Variants in AGMO observed in about 807,000 individuals in gnomAD.
The protein encoded by AGMO is alkylglycerol monooxygenase.
AGMO carries 75 observed loss-of-function variants against 60.2 expected under a neutral mutation model. The ratio of observed to expected loss-of-function variants is 1.25; its 90% confidence interval spans 1.03 to 1.51. The LOEUF (loss-of-function observed/expected upper bound fraction) is 1.51, where lower values mean the gene tolerates loss of function less well. Among genes scored for constraint, AGMO ranks in the 40% most tolerant of loss-of-function variants. The probability of loss-of-function intolerance (pLI) is 0.00; values close to 1 mark genes in which losing one functional copy is unlikely to be tolerated. For synonymous variants in AGMO, 261 were observed against 177.1 expected (o/e 1.47, Z -3.76); for missense variants, 763 against 525.5 (o/e 1.45, Z -4.42).
At chr7:15,406,749 A>G (rs528102628) in intron 5 of AGMO, among the ~76,000 whole-genome samples, 1,065 of 87,596 alleles carry the variant, frequency 0.012, no homozygotes, top group African/African-American at 0.048. Context: ...ATGAATATAC[A>G]TATATATGTA....
chr7:15,175,330 G>C, the AGMO span, among the ~76,000 whole-genome samples: 1 of 151,848 alleles, frequency 6.6e-6, no homozygotes, highest in African/African-American at 2.4e-5. Flanking sequence ...CTTCTTTCCA[G>C]TTTCACTTAC....
rs146221386 is a variant in AGMO at position 15,232,330 on chromosome 7, G to A, written c.1264-30971C>T. ...CAGGGCTTGTGAAGCTAAGTGACTT[G>A]CACAAGGTCATAGCTTTCAGAAGTA... is the stretch of plus-strand genomic sequence containing the variant. On this transcript the variant is annotated intron_variant, in intron 12 of 12. Transcript: ENST00000342526. Among the ~76,000 whole-genome samples the A allele has an allele frequency of 8.5e-5, 13 of 152,300 alleles. No homozygotes were observed. In the East Asian group the frequency reaches 2.1e-3, roughly 25 times the overall value.
chr7:15,455,115 ACAC>A, intron 3 of AGMO, among the ~76,000 whole-genome samples: 1 of 147,560 alleles, frequency 6.8e-6, no homozygotes, highest in Admixed American at 6.7e-5. Flanking sequence ...ACACACACAC[ACAC>A]TTTTTTCATG....
intron 3 of AGMO, among the ~76,000 whole-genome samples, chr7:15,434,420 T>A (rs986442662): frequency 6.6e-6 from 1 of 152,160 alleles, no homozygotes. Flanking sequence ...ATGTCACTTC[T>A]GATATTAGAT....
At chr7:15,429,938 G>A (rs968726376) in intron 4 of AGMO, among the ~76,000 whole-genome samples, 2 of 151,964 alleles carry the variant, frequency 1.3e-5, no homozygotes, top group African/African-American at 4.8e-5. Context: ...AAAACAATAT[G>A]GAGGCATGTA....
intron 12 of AGMO, among the ~76,000 whole-genome samples, chr7:15,224,882 T>C (rs1782029838): frequency 6.6e-6 from 1 of 152,056 alleles, no homozygotes; most frequent in Non-Finnish European, 1.5e-5. Flanking sequence ...ATATTGCACA[T>C]CTAGTGATAT....
At chr7:15,225,512 C>T (rs1042831083) in intron 12 of AGMO, among the ~76,000 whole-genome samples, 6 of 151,812 alleles carry the variant, frequency 4.0e-5, no homozygotes, top group African/African-American at 1.5e-4. Flanking sequence ...TACCATCCTA[C>T]CAGAAGTATA....
At chr7:15,352,788 A>T (rs929184397) in intron 12 of AGMO, among the ~76,000 whole-genome samples, 1 of 151,792 alleles carries the variant, frequency 6.6e-6, no homozygotes, top group Non-Finnish European at 1.5e-5. Flanking sequence ...TAGTATCTGA[A>T]ATCTGTCCAC....
At chr7:15,232,292 A>G (rs1207570581) in intron 12 of AGMO, among the ~76,000 whole-genome samples, 1 of 152,208 alleles carries the variant, frequency 6.6e-6, no homozygotes, top group Non-Finnish European at 1.5e-5. Flanking sequence ...AGTATCCACA[A>G]TATTTTAGGA....
chr7:15,236,789 T>C (rs1217655672), intron 12 of AGMO, among the ~76,000 whole-genome samples: 1 of 151,998 alleles, frequency 6.6e-6, no homozygotes, highest in Admixed American at 6.6e-5. Context: ...AAATGGAGTC[T>C]AGTTACTAGT....
the AGMO span, among the ~76,000 whole-genome samples, chr7:15,159,481 G>T: frequency 2.0e-5 from 3 of 152,098 alleles, no homozygotes; most frequent in Non-Finnish European, 2.9e-5. Context: ...AGAACACAGG[G>T]TTACTACTTT....
chr7:15,334,848 T>C (rs896045586), intron 12 of AGMO, among the ~76,000 whole-genome samples: 9 of 152,242 alleles, frequency 5.9e-5, no homozygotes, highest in Admixed American at 2.0e-4. Flanking sequence ...TTTTAAACAA[T>C]AGTAGAGCAA....
chr7:15,352,043 C>G (rs1782261306), intron 12 of AGMO, among the ~76,000 whole-genome samples: 1 of 152,084 alleles, frequency 6.6e-6, no homozygotes, highest in Non-Finnish European at 1.5e-5. Flanking sequence ...TTCTATTAAC[C>G]TTGACTCTTG....
At chr7:15,455,124 T>C (rs2128506812) in intron 3 of AGMO, among the ~76,000 whole-genome samples, 1 of 151,216 alleles carries the variant, frequency 6.6e-6, no homozygotes, top group Admixed American at 6.6e-5. Flanking sequence ...CACACTTTTT[T>C]CATGTCCTCT....
At chr7:15,267,706 C>T (rs1169959811) in intron 12 of AGMO, among the ~76,000 whole-genome samples, 1 of 151,882 alleles carries the variant, frequency 6.6e-6, no homozygotes, top group Non-Finnish European at 1.5e-5. Flanking sequence ...AATGAGTGCA[C>T]ATATGCTCAG....
intron 12 of AGMO, among the ~76,000 whole-genome samples, chr7:15,274,969 T>C (rs977251027): frequency 4.6e-5 from 7 of 151,206 alleles, no homozygotes; most frequent in African/African-American, 1.7e-4. Context: ...GGCCTATCGA[T>C]TTTTTTTTAT....
At chr7:15,314,520 A>C (rs1419835541) in intron 12 of AGMO, among the ~76,000 whole-genome samples, 1 of 150,476 alleles carries the variant, frequency 6.6e-6, no homozygotes, top group African/African-American at 2.5e-5. Context: ...TCTAGTCTTT[A>C]AAAGTTTAAC....
the AGMO span, among the ~76,000 whole-genome samples, chr7:15,194,342 A>C: frequency 6.6e-6 from 1 of 152,002 alleles, no homozygotes; most frequent in African/African-American, 2.4e-5. Flanking sequence ...TTGTTTGTGC[A>C]CAAGGTAATT....
chr7:15,368,551 G>A (rs945047379), intron 10 of AGMO, among the ~76,000 whole-genome samples: 6 of 151,978 alleles, frequency 3.9e-5, no homozygotes, highest in Non-Finnish European at 8.8e-5. Flanking sequence ...CTATGCGTTT[G>A]GTACATTTGA....
Sources: gnomAD v4.1 joint callset for allele counts (sites outside exome capture counted in the v4.1 genomes callset) on GRCh38, gnomAD v4.1.1 for gene constraint, MANE v1.5 for transcripts, NCBI Gene and HGNC (gene_info 2026-07-23, HGNC 2026-07-21) for gene names.